SLC20A1: variants seen among roughly 807,000 people sequenced by gnomAD.
The protein encoded by SLC20A1 is sodium-dependent phosphate transporter 1.
A neutral mutation model predicts 62.7 loss-of-function variants in SLC20A1; 28 were observed. The ratio of observed to expected loss-of-function variants is 0.45; its 90% CI spans 0.33 to 0.61. The LOEUF is 0.61. Among genes scored for constraint, SLC20A1 ranks in the 20% least tolerant of loss-of-function variants. The pLI is 0.02. For synonymous variants in SLC20A1, 305 were observed against 302.9 expected (o/e 1.01, Z -0.07); for missense variants, 673 against 838.6 (o/e 0.80, Z 2.44).
intron 8 of SLC20A1, among the ~76,000 whole-genome samples, 179 bp downstream of exon 8, chr2:112,659,941 A>C (rs1267614219): frequency 1.3e-5 from 2 of 152,246 alleles, no homozygotes; most frequent in Non-Finnish European, 2.9e-5. Context: ...TCTTCAGAGG[A>C]ATTACAAAGA....
chr2:112,656,973 A>G, intron 5 of SLC20A1, 149 bp from the exon 6 acceptor site: 1 of 920,852 alleles, frequency 1.1e-6, no homozygotes, highest in Admixed American at 1.8e-5. Flanking sequence ...AGGCACTAGC[A>G]CAGTAATCCT....
chr2:112,663,250 T>A lies in SLC20A1; in HGVS notation c.*225T>A. On this transcript the variant is annotated 3_prime_UTR_variant, in exon 11 of 11. Transcript: ENST00000272542. ...CGGGTTCCACTGGCTCCTGCTGAGG[T>A]CCCCTTTCCTTCTGGGCTGTGAATT... The A allele has an allele frequency of 3.3e-6, 2 of 612,560 alleles. No individual in the cohort carries two copies. Among genetic ancestry groups the A allele is most frequent in the Non-Finnish European group, 6.2e-6 (2 of 320,656 alleles). 37.9% of individuals were successfully genotyped at this position (612,560 alleles called of 1,614,324 possible).
At chr2:112,654,599 T>C (rs1373032820) in intron 5 of SLC20A1, among the ~76,000 whole-genome samples, 1 of 152,134 alleles carries the variant, frequency 6.6e-6, no homozygotes, top group African/African-American at 2.4e-5. Flanking sequence ...ATAGTCACCA[T>C]AGAATTGTAG....
chr2:112,659,999 G>GA (rs1686703677), intron 8 of SLC20A1, among the ~76,000 whole-genome samples: 1 of 152,188 alleles, frequency 6.6e-6, no homozygotes, highest in South Asian at 2.1e-4. Context: ...TCTTCACAGA[G>GA]AAGGCTTTTG....
At chr2:112,655,051 C>T (rs1686546116) in intron 5 of SLC20A1, among the ~76,000 whole-genome samples, 4 of 147,974 alleles carry the variant, frequency 2.7e-5, no homozygotes, top group Admixed American at 1.4e-4. Context: ...TGACTGCAAC[C>T]ACTACCTCCC....
At chr2:112,655,494 A>G (rs1355188666) in intron 5 of SLC20A1, among the ~76,000 whole-genome samples, 2 of 150,726 alleles carry the variant, frequency 1.3e-5, no homozygotes, top group African/African-American at 4.9e-5. Flanking sequence ...CTAGATATCA[A>G]CTACAGATCA....
Position 112,653,513 on chromosome 2 carries a change from G to T in SLC20A1, c.658+715G>T, listed in dbSNP as rs543919874. Among the ~76,000 whole-genome samples the T allele has an allele frequency of 2.6e-5, 4 of 152,272 alleles. No homozygotes were observed. In the South Asian group the frequency reaches 8.3e-4, roughly 32 times the overall value. ...GGCCTGATGGTCTGTGACTACATAGGCAGTGACTTTTATTCTTTATACTGT... is the reference window on the plus strand; with the variant it reads ...GGCCTGATGGTCTGTGACTACATAGTCAGTGACTTTTATTCTTTATACTGT... On this transcript the variant is annotated intron_variant, in intron 5 of 10. Coordinates refer to ENST00000272542, the MANE Select transcript of SLC20A1 (RefSeq NM_005415.5).
At chr2:112,651,468 G>T (rs1686433658) in intron 4 of SLC20A1, among the ~76,000 whole-genome samples, 1 of 151,716 alleles carries the variant, frequency 6.6e-6, no homozygotes, top group Non-Finnish European at 1.5e-5. Context: ...AGGTGGCCCA[G>T]TCTCCACTGA....
At chr2:112,661,603 C>T (rs1686750452) in intron 10 of SLC20A1, among the ~76,000 whole-genome samples, 1 of 152,066 alleles carries the variant, frequency 6.6e-6, no homozygotes, top group Non-Finnish European at 1.5e-5. Flanking sequence ...GGCTGGAGTT[C>T]AGTGGCACAA....
Position 112,660,581 on chromosome 2 carries a change from G to C in SLC20A1, c.1793+9G>C. 6.2e-7 allele frequency: 1 copy of C among 1,609,078 alleles called. No individual in the cohort carries two copies. Among genetic ancestry groups the C allele is most frequent in the Non-Finnish European group, 8.5e-7 (1 of 1,178,250 alleles). ...CCGATCACACCCTCTAGGTAAGTAG[G>C]TGGAGCAGGTTCTACAAATGTCAGT... On this transcript the variant is annotated intron_variant, in intron 9 of 10. Transcript: ENST00000272542.
chr2:112,652,680 T>A, intron 4 of SLC20A1, 22 bp from the exon 5 acceptor site: 2 of 1,570,392 alleles, frequency 1.3e-6, no homozygotes, highest in African/African-American at 2.7e-5. Context: ...TTTAAGATAT[T>A]GATCTTAATG....
At chr2:112,658,736 T>G in intron 6 of SLC20A1, 89 bp from the exon 7 acceptor site, 1 of 1,386,188 alleles carries the variant, frequency 7.2e-7, no homozygotes, top group Non-Finnish European at 9.8e-7. Flanking sequence ...TGTTTTGAGA[T>G]GAGTTTTTTG....
intron 2 of SLC20A1, 52 bp from the exon 3 acceptor site, chr2:112,647,272 C>T (rs1373502297): frequency 4.4e-6 from 7 of 1,597,450 alleles, no homozygotes; most frequent in Non-Finnish European, 6.0e-6. Flanking sequence ...GAATGTGCCA[C>T]TTACATAATG....
rs575775999 is a variant in SLC20A1, at chr2:112,646,149, C to G, written c.-267+20C>G. The G allele has an allele frequency of 1.3e-5, 2 of 152,148 alleles. No homozygotes were observed. Among genetic ancestry groups the G allele is most frequent in the African/African-American group, 4.8e-5 (2 of 41,532 alleles). The allele number at this position is 152,148 out of a possible 1,614,324, so 9.4% of individuals were successfully genotyped here. On this transcript the variant is annotated intron_variant, in intron 1 of 10. Transcript: ENST00000272542. ...TCCCTGGTGAGTAGTGGCGCCGCCT[C>G]GTAAAGGCTCTTTCTTCTCCCCGGG...
chr2:112,660,956 A>T, intron 9 of SLC20A1, 186 bp from the exon 10 acceptor site: 1 of 515,582 alleles, frequency 1.9e-6, no homozygotes, highest in Non-Finnish European at 3.4e-6. Flanking sequence ...GCCTTTGAAT[A>T]AGGAAACTGG....
chr2:112,653,765 C>T (rs1686506905), intron 5 of SLC20A1, among the ~76,000 whole-genome samples: 1 of 151,888 alleles, frequency 6.6e-6, no homozygotes, highest in African/African-American at 2.4e-5. Flanking sequence ...AAGTTGCTGA[C>T]CCAAAGTAGA....
At position 112,659,599 on chromosome 2, in the gene SLC20A1, A is replaced by G. The variant is rs1459036968; in HGVS notation, c.1444A>G (p.Met482Val). Residue 482 changes from methionine (M) to valine (V), a missense_variant, in exon 8 of 11, where the codon ATG becomes GTG. Coordinates refer to ENST00000272542, the MANE Select transcript of SLC20A1 (RefSeq NM_005415.5). The part of the protein sequence containing the change: ...SDLHSASEID[M>V]SVKAEMGLGD... ...CCTTCACTCAGCATCTGAGATAGACATGAGTGTCAAGGCAGAGATGGGTCT... is the reference window on the plus strand; with the variant it reads ...CCTTCACTCAGCATCTGAGATAGACGTGAGTGTCAAGGCAGAGATGGGTCT... 6.8e-6 allele frequency: 11 copies of G among 1,614,122 alleles called. No homozygotes were observed. In the African/African-American group the frequency reaches 1.2e-4, roughly 18 times the overall value.
Position 112,657,218 on chromosome 2 carries a change from C to T in SLC20A1, c.755C>T (p.Pro252Leu). 1.2e-6 allele frequency: 2 copies of T among 1,613,326 alleles called. No homozygotes were observed. Among genetic ancestry groups the T allele is most frequent in the East Asian group, 2.2e-5 (1 of 44,862 alleles). Residue 252 changes from proline to leucine, a missense_variant, in exon 6 of 11, where the codon CCC becomes CTC. Physicochemically the swap from Pro to Leu is moderately conservative, Grantham distance 98 (BLOSUM62 -3). Transcript: ENST00000272542. ...CALIVWFFVCPRMKRKIEREI... is the reference protein window; with the variant it reads ...CALIVWFFVCLRMKRKIEREI... The stretch of plus-strand genomic sequence containing the variant: ...CTTATCGTCTGGTTCTTTGTATGTC[C>T]CAGGATGAAGAGAAAAATTGAACGT...
At chr2:112,647,203 G>A in intron 2 of SLC20A1, 41 bp downstream of exon 2, 2 of 1,592,716 alleles carry the variant, frequency 1.3e-6, no homozygotes, top group Non-Finnish European at 8.6e-7. Context: ...TGGTGGGTGA[G>A]CAAATTTGTA....
Sources: allele counts gnomAD v4.1 joint callset (sites outside exome capture counted in the v4.1 genomes callset), GRCh38; gene constraint gnomAD v4.1.1; transcripts MANE v1.5; gene names NCBI Gene and HGNC (gene_info 2026-07-23, HGNC 2026-07-21).